The following CNTLN variants were observed in gnomAD, a reference collection of about 807,000 sequenced individuals.
CNTLN encodes centlein.
CNTLN carries 212 observed loss-of-function variants against 180.0 expected under a neutral mutation model. That is an observed-to-expected ratio of 1.18 (90% CI 1.05 to 1.32). The LOEUF (loss-of-function observed/expected upper bound fraction) is 1.32. CNTLN is among the 40% of genes most tolerant of loss of function. The probability of loss-of-function intolerance (pLI) is 0.00; values close to 1 mark genes in which losing one functional copy is unlikely to be tolerated. For missense variants in CNTLN, 2,095 were observed against 1,610.9 expected (o/e 1.30, Z -5.14); for synonymous variants, 722 against 563.1 (o/e 1.28, Z -3.99).
intron 24 of CNTLN, 94 bp downstream of exon 24, chr9:17,484,574 C>A: frequency 9.9e-7 from 1 of 1,013,902 alleles, no homozygotes; most frequent in Non-Finnish European, 1.4e-6. Flanking sequence ...AGAATTTCAT[C>A]TTTAAGAGAG....
At chr9:17,151,958 A>G (rs541825581) in intron 2 of CNTLN, among the ~76,000 whole-genome samples, 180 of 152,174 alleles carry the variant, frequency 1.2e-3, no homozygotes, top group African/African-American at 4.2e-3. Flanking sequence ...AGAGGTGTTT[A>G]TAGTATTCTC....
chr9:17,420,512 T>C (rs1313540753), intron 18 of CNTLN, among the ~76,000 whole-genome samples: 1 of 152,142 alleles, frequency 6.6e-6, no homozygotes, highest in Non-Finnish European at 1.5e-5. Flanking sequence ...CTTTTTGTTT[T>C]ATTGATTTTT....
intron 25 of CNTLN, chr9:17,494,796 G>A (rs866130445): frequency 3.4e-5 from 12 of 349,840 alleles, no homozygotes; most frequent in Middle Eastern, 1.0e-3. Flanking sequence ...AAAGTATAGC[G>A]TATACAATTA....
At chr9:17,265,499 T>G (rs1167853958) in intron 5 of CNTLN, among the ~76,000 whole-genome samples, 1 of 141,000 alleles carries the variant, frequency 7.1e-6, no homozygotes, top group Non-Finnish European at 1.5e-5. Flanking sequence ...GGTCTAAAAT[T>G]CTCTTTTTTT....
At chr9:17,476,999 C>T (rs984096868) in intron 23 of CNTLN, among the ~76,000 whole-genome samples, 7 of 152,316 alleles carry the variant, frequency 4.6e-5, no homozygotes, top group African/African-American at 1.2e-4. Context: ...GGGGCTAATG[C>T]AGCTGGGGAC....
In CNTLN at chr9:17,330,702, T is replaced by C; in HGVS notation, c.1412T>C (p.Leu471Ser). 1 of 1,612,066 alleles carries C rather than the reference T, an allele frequency of 6.2e-7. No individual in the cohort carries two copies. Among genetic ancestry groups the C allele is most frequent in the Non-Finnish European group, 8.5e-7 (1 of 1,178,680 alleles). The stretch of plus-strand genomic sequence containing the variant: ...TCACAGAAGTCTGAAATTGAGTATT[T>C]ACAGGAGAAACTAAAGATAGCAAAT... The part of the protein sequence containing the change: ...MVSQKSEIEY[L>S]QEKLKIANEK... Residue 471 changes from leucine (L) to serine (S), a missense_variant, in exon 9 of 26, where the codon TTA (leucine) becomes TCA (serine). Transcript: ENST00000380647.
chr9:17,290,672 G>A (rs1391229600), intron 6 of CNTLN, among the ~76,000 whole-genome samples: 7 of 149,614 alleles, frequency 4.7e-5, no homozygotes, highest in South Asian at 4.5e-4. Context: ...CTCCGTGGGC[G>A]TAGGACCCTC....
rs144166918 is a variant in CNTLN at position 17,394,996 on chromosome 9, C to T, written c.2542C>T (p.His848Tyr). ...SVGRHHTVLN[H>Y]SIKVMSNVFE... ...GGGTCGTCACCACACTGTTCTCAAT[C>T]ATTCCATCAAGGTTATGAGCAATGT... Residue 848 changes from histidine (H) to tyrosine (Y), a missense_variant, in exon 15 of 26, where the codon CAT becomes TAT. Transcript: ENST00000380647. The T allele has an allele frequency of 6.6e-3, 10,708 of 1,613,714 alleles. 52 individuals carry two copies. The highest frequency in any genetic ancestry group is 7.0e-3 in the Non-Finnish European group (8,262 of 1,179,708).
At chr9:17,276,491 A>G (rs1006717058) in intron 6 of CNTLN, among the ~76,000 whole-genome samples, 19 of 152,106 alleles carry the variant, frequency 1.2e-4, no homozygotes, top group African/African-American at 4.6e-4. Flanking sequence ...CTGTTTCTGT[A>G]TGGATTTCCT....
At chr9:17,266,912 T>C (rs1827504267) in intron 5 of CNTLN, among the ~76,000 whole-genome samples, 1 of 152,188 alleles carries the variant, frequency 6.6e-6, no homozygotes, top group Non-Finnish European at 1.5e-5. Context: ...TCCATCCCTT[T>C]ATTTTGAGCC....
intron 13 of CNTLN, among the ~76,000 whole-genome samples, chr9:17,378,325 A>G (rs1271815461): frequency 6.6e-6 from 1 of 152,080 alleles, no homozygotes; most frequent in Non-Finnish European, 1.5e-5. Flanking sequence ...GATTACAGGC[A>G]TGCACCACCA....
At chr9:17,518,697 A>G in the CNTLN span, among the ~76,000 whole-genome samples, 2 of 152,114 alleles carry the variant, frequency 1.3e-5, no homozygotes, top group African/African-American at 2.4e-5. Flanking sequence ...GTTTTAGGCA[A>G]TGAAATGTGA....
At chr9:17,428,392 C>T (rs918966564) in intron 18 of CNTLN, among the ~76,000 whole-genome samples, 1 of 152,140 alleles carries the variant, frequency 6.6e-6, no homozygotes, top group Non-Finnish European at 1.5e-5. Context: ...TTAATTTTCA[C>T]AACATCCCTG....
At chr9:17,412,535 A>G (rs1200845392) in intron 16 of CNTLN, among the ~76,000 whole-genome samples, 1 of 152,180 alleles carries the variant, frequency 6.6e-6, no homozygotes, top group African/African-American at 2.4e-5. Flanking sequence ...GAGTACCCAT[A>G]CAATGGTTTT....
At position 17,185,938 on chromosome 9, in the gene CNTLN, G is replaced by A. The variant is rs372850654; in HGVS notation, c.450-40265G>A. On this transcript the variant is annotated intron_variant, in intron 2 of 25. Coordinates refer to ENST00000380647, the MANE Select transcript of CNTLN (RefSeq NM_017738.4). ...CTCCTGAGGAGCTGGGACTATAGGC[G>A]CGCACCACCACACCTGGCTAATTTT... Among the ~76,000 whole-genome samples the A allele has an allele frequency of 1.9e-3, 286 of 151,976 alleles. 1 individual carries two copies. Among genetic ancestry groups the A allele is most frequent in the African/African-American group, 6.4e-3 (265 of 41,446 alleles).
chr9:17,351,778 A>G (rs1456890960), intron 12 of CNTLN, among the ~76,000 whole-genome samples: 2 of 152,210 alleles, frequency 1.3e-5, no homozygotes, highest in Non-Finnish European at 2.9e-5. Flanking sequence ...CTTTTAAACT[A>G]TAGTTCTGAG....
At chr9:17,308,068 G>T (rs1818855840) in intron 7 of CNTLN, among the ~76,000 whole-genome samples, 1 of 150,450 alleles carries the variant, frequency 6.6e-6, no homozygotes, top group African/African-American at 2.5e-5. Context: ...TATACATACA[G>T]ATTATGTATG....
intron 14 of CNTLN, among the ~76,000 whole-genome samples, chr9:17,389,491 G>T (rs1475856869): frequency 6.6e-6 from 1 of 152,024 alleles, no homozygotes; most frequent in Non-Finnish European, 1.5e-5. Context: ...ATAAATGAAT[G>T]CTACAATAGT....
At chr9:17,153,661 T>G (rs1788599821) in intron 2 of CNTLN, among the ~76,000 whole-genome samples, 1 of 152,190 alleles carries the variant, frequency 6.6e-6, no homozygotes, top group South Asian at 2.1e-4. Context: ...GGAGTATCTT[T>G]GTGGCATTCT....
Sources: allele counts gnomAD v4.1 joint callset (sites outside exome capture counted in the v4.1 genomes callset), GRCh38; gene constraint gnomAD v4.1.1; transcripts MANE v1.5; gene names NCBI Gene and HGNC (gene_info 2026-07-23, HGNC 2026-07-21).